GNAQ: variants seen among roughly 807,000 people sequenced by gnomAD.
The protein encoded by GNAQ is G protein subunit alpha q.
Under a neutral mutation model 43.9 loss-of-function variants are expected in GNAQ, and 8 were observed. That is an observed-to-expected ratio of 0.18 (90% confidence interval 0.11 to 0.33). The LOEUF is 0.33. Among genes scored for constraint, GNAQ ranks in the 10% least tolerant of loss-of-function variants. The probability of loss-of-function intolerance (pLI) is 1.00; values close to 1 mark genes in which losing one functional copy is unlikely to be tolerated. For synonymous variants in GNAQ, 155 were observed against 170.7 expected (o/e 0.91, Z 0.71); for missense variants, 158 against 450.8 (o/e 0.35, Z 5.88).
rs190631535 is a variant in GNAQ, at chr9:77,951,253, A to C, written c.137-28908T>G. The stretch of plus-strand genomic sequence containing the variant: ...GCTGGAATTACAGGCTCACGCCACC[A>C]TGCCCGGCTAATTTTTCTATTTTTA... On this transcript the variant is annotated intron_variant, in intron 1 of 6. Coordinates refer to ENST00000286548, the MANE Select transcript of GNAQ (RefSeq NM_002072.5). Among the ~76,000 whole-genome samples the C allele has an allele frequency of 7.9e-5, 12 of 151,940 alleles. No homozygotes were observed. In the East Asian group the frequency reaches 1.9e-3, roughly 25 times the overall value.
At chr9:77,765,548 C>T (rs1185696840) in intron 5 of GNAQ, among the ~76,000 whole-genome samples, 1 of 152,142 alleles carries the variant, frequency 6.6e-6, no homozygotes, top group African/African-American at 2.4e-5. Context: ...TAGGGAAAAT[C>T]AAACCACGAT....
intron 2 of GNAQ, among the ~76,000 whole-genome samples, chr9:77,841,368 G>T (rs868797978): frequency 6.6e-6 from 1 of 152,096 alleles, no homozygotes; most frequent in Non-Finnish European, 1.5e-5. Flanking sequence ...TTTCCTGCAA[G>T]GGCAAATGGG....
At chr9:77,755,613 T>C (rs527523324) in intron 5 of GNAQ, among the ~76,000 whole-genome samples, 1 of 152,360 alleles carries the variant, frequency 6.6e-6, no homozygotes, top group South Asian at 2.1e-4. Flanking sequence ...CTTCATTTTA[T>C]TTCCTTTTTC....
At chr9:77,932,421 C>T (rs1252784178) in intron 1 of GNAQ, among the ~76,000 whole-genome samples, 1 of 152,154 alleles carries the variant, frequency 6.6e-6, no homozygotes, top group Non-Finnish European at 1.5e-5. Context: ...GAGATGAGTG[C>T]TATGCGCTAA....
At chr9:77,932,601 A>G (rs1829168767) in intron 1 of GNAQ, among the ~76,000 whole-genome samples, 1 of 152,194 alleles carries the variant, frequency 6.6e-6, no homozygotes, top group Admixed American at 6.5e-5. Flanking sequence ...GAACATATTT[A>G]GCTGGCATGT....
At chr9:77,855,030 C>A (rs1827730398) in intron 2 of GNAQ, among the ~76,000 whole-genome samples, 1 of 152,160 alleles carries the variant, frequency 6.6e-6, no homozygotes, top group Non-Finnish European at 1.5e-5. Flanking sequence ...CTGTCTCTTA[C>A]CCCAGAAATG....
At chr9:78,030,514 C>T (rs1328984939) in intron 1 of GNAQ, 1 of 470,936 alleles carries the variant, frequency 2.1e-6, no homozygotes, top group Non-Finnish European at 4.4e-6. Flanking sequence ...GGCTTCCTCA[C>T]CATGAGTGCT....
intron 1 of GNAQ, among the ~76,000 whole-genome samples, chr9:77,988,473 T>C (rs889699089): frequency 2.6e-5 from 4 of 152,224 alleles, no homozygotes; most frequent in African/African-American, 9.6e-5. Flanking sequence ...GAGCACGTAA[T>C]TGCTGTTTTC....
chr9:77,759,718 C>G (rs1337946471), intron 5 of GNAQ, among the ~76,000 whole-genome samples: 2 of 152,082 alleles, frequency 1.3e-5, no homozygotes, highest in Admixed American at 6.5e-5. Context: ...CTGTTGATAT[C>G]TGGAAGAATA....
At chr9:78,004,268 C>A (rs1295055656) in intron 1 of GNAQ, among the ~76,000 whole-genome samples, 1 of 146,402 alleles carries the variant, frequency 6.8e-6, no homozygotes, top group Admixed American at 6.8e-5. Flanking sequence ...CAGAGTAAGA[C>A]TCTGTCTCAA....
intron 2 of GNAQ, among the ~76,000 whole-genome samples, chr9:77,858,271 A>C (rs1343595242): frequency 6.6e-6 from 1 of 152,184 alleles, no homozygotes; most frequent in East Asian, 1.9e-4. Context: ...ACGCAGAGAC[A>C]GGACTTTGAC....
intron 2 of GNAQ, among the ~76,000 whole-genome samples, chr9:77,855,310 C>T (rs373249635): frequency 2.0e-5 from 3 of 151,828 alleles, no homozygotes; most frequent in African/African-American, 7.3e-5. Flanking sequence ...GGCAGAGATC[C>T]TAGTTAAAGG....
At chr9:77,923,871 G>A (rs1180925693) in intron 1 of GNAQ, among the ~76,000 whole-genome samples, 1 of 152,042 alleles carries the variant, frequency 6.6e-6, no homozygotes, top group Non-Finnish European at 1.5e-5. Flanking sequence ...CTAGTAATAC[G>A]CCATCTGTCC....
intron 1 of GNAQ, among the ~76,000 whole-genome samples, chr9:77,984,308 T>C (rs1201687556): frequency 6.6e-6 from 1 of 151,836 alleles, no homozygotes; most frequent in Non-Finnish European, 1.5e-5. Flanking sequence ...TAGCTGAGAC[T>C]ACTGGCATGC....
chr9:77,794,457 A>G lies in GNAQ; in HGVS notation c.735+6T>C. On this transcript the variant is annotated splice_donor_region_variant and intron_variant, in intron 5 of 6. Transcript: ENST00000286548. ...ATAATCCATTGCCTGTCTAAAGAAC[A>G]CTTACCTCATTGTCTGACTCCACGA... The G allele has an allele frequency of 6.3e-7, 1 of 1,583,664 alleles. No homozygotes were observed.
chr9:77,836,852 TA>T (rs1040163793), intron 2 of GNAQ, among the ~76,000 whole-genome samples: 2 of 152,152 alleles, frequency 1.3e-5, no homozygotes, highest in African/African-American at 2.4e-5. Flanking sequence ...GTTGACAGTG[TA>T]AAAAAATATA....
chr9:77,866,468 A>G (rs1246837269), intron 2 of GNAQ, among the ~76,000 whole-genome samples: 1 of 152,184 alleles, frequency 6.6e-6, no homozygotes, highest in Non-Finnish European at 1.5e-5. Flanking sequence ...AAAATTAAAA[A>G]TTAAAACTAA....
chr9:78,020,270 A>G (rs1194818310), intron 1 of GNAQ, among the ~76,000 whole-genome samples: 1 of 152,200 alleles, frequency 6.6e-6, no homozygotes, highest in African/African-American at 2.4e-5. Flanking sequence ...TCACAGGATT[A>G]GCAGAGTTCT....
intron 2 of GNAQ, among the ~76,000 whole-genome samples, chr9:77,816,004 A>G (rs990507023): frequency 6.6e-6 from 1 of 152,182 alleles, no homozygotes; most frequent in Non-Finnish European, 1.5e-5. Context: ...AGAGGAAACT[A>G]GAGGAAGGTG....
Sources: gnomAD v4.1 joint callset for allele counts (sites outside exome capture counted in the v4.1 genomes callset) on GRCh38, gnomAD v4.1.1 for gene constraint, MANE v1.5 for transcripts, NCBI Gene and HGNC (gene_info 2026-07-23, HGNC 2026-07-21) for gene names.